The following GNAO1 variants were observed in gnomAD, a reference collection of about 807,000 sequenced individuals.
GNAO1 encodes guanine nucleotide-binding protein G(o) subunit alpha.
For synonymous variants in GNAO1, 164 were observed against 180.7 expected (o/e 0.91, Z 0.74); for missense variants, 166 against 478.7 (o/e 0.35, Z 6.10).
intron 6 of GNAO1, 121 bp downstream of exon 6, chr16:56,336,981 G>A: frequency 2.1e-6 from 2 of 950,668 alleles, no homozygotes. Context: ...GCCAGCTGTT[G>A]TGGTTAGAGG....
At chr16:56,262,434 A>G (rs866298033) in intron 2 of GNAO1, among the ~76,000 whole-genome samples, 55 of 152,346 alleles carry the variant, frequency 3.6e-4, no homozygotes, top group African/African-American at 1.2e-3. Flanking sequence ...AGCCAAAGAC[A>G]GCAGCTTTTG....
chr16:56,221,073 C>G (rs2036481655), intron 2 of GNAO1, among the ~76,000 whole-genome samples: 1 of 152,032 alleles, frequency 6.6e-6, no homozygotes, highest in South Asian at 2.1e-4. Flanking sequence ...TAAAAGAGCT[C>G]AAGGGGGCAA....
At chr16:56,229,300 G>A (rs988349678) in intron 2 of GNAO1, among the ~76,000 whole-genome samples, 2 of 152,148 alleles carry the variant, frequency 1.3e-5, no homozygotes, top group African/African-American at 2.4e-5. Context: ...CACCTCCCAG[G>A]TTCAAGTAAT....
chr16:56,218,729 T>A (rs1327517517), intron 2 of GNAO1, among the ~76,000 whole-genome samples: 3 of 152,126 alleles, frequency 2.0e-5, no homozygotes, highest in Non-Finnish European at 2.9e-5. Flanking sequence ...TTGTGTGTGA[T>A]CTCTCACTCA....
intron 3 of GNAO1, among the ~76,000 whole-genome samples, chr16:56,295,355 T>C (rs1266144241): frequency 2.6e-5 from 4 of 152,042 alleles, no homozygotes; most frequent in African/African-American, 7.2e-5. Context: ...TTTTCTGGTG[T>C]GTAATATGAG....
At chr16:56,347,512 A>G in intron 6 of GNAO1, 1 of 985,052 alleles carries the variant, frequency 1.0e-6, no homozygotes, top group Non-Finnish European at 1.2e-6. Context: ...GGGCCTCCAG[A>G]CAGACCCCAC....
At position 56,343,442 on chromosome 16, in the gene GNAO1, C is replaced by T. The variant is rs144317205; in HGVS notation, c.723+6582C>T. Among the ~76,000 whole-genome samples, 32 of 148,198 alleles carry T rather than the reference C, an allele frequency of 2.2e-4. 2 individuals carry two copies. The East Asian group carries it at 5.9e-3, about 27-fold the overall frequency. Reference sequence around the variant, plus strand: ...GGTAGAGGCTGCAGTGAGCCCTGATCGTACCACCACACTCCAGCTTGAGCA... The same window carrying T: ...GGTAGAGGCTGCAGTGAGCCCTGATTGTACCACCACACTCCAGCTTGAGCA... On this transcript the variant is annotated intron_variant, in intron 6 of 8. Coordinates refer to ENST00000262493, the MANE Select transcript of GNAO1 (RefSeq NM_020988.3).
chr16:56,249,883 C>T (rs1272622018), intron 2 of GNAO1, among the ~76,000 whole-genome samples: 1 of 152,198 alleles, frequency 6.6e-6, no homozygotes, highest in African/African-American at 2.4e-5. Context: ...GCCCTCATTG[C>T]ACAGATTTGG....
intron 3 of GNAO1, among the ~76,000 whole-genome samples, chr16:56,287,950 ACCAGTGT>A (rs1487786083): frequency 7.9e-5 from 12 of 152,328 alleles, no homozygotes; most frequent in African/African-American, 2.9e-4. Flanking sequence ...TAGACCGTGC[ACCAGTGT>A]CCAGTGTCGA....
At chr16:56,249,600 T>C (rs1318088334) in intron 2 of GNAO1, among the ~76,000 whole-genome samples, 5 of 152,064 alleles carry the variant, frequency 3.3e-5, no homozygotes, top group African/African-American at 1.2e-4. Context: ...GAAAACCCAA[T>C]TCAGAAGGGC....
At chr16:56,216,166 G>A (rs1370281059) in intron 2 of GNAO1, among the ~76,000 whole-genome samples, 1 of 152,206 alleles carries the variant, frequency 6.6e-6, no homozygotes, top group Non-Finnish European at 1.5e-5. Context: ...TTAGGCAGTG[G>A]TTACACAGGT....
chr16:56,276,281 G>T (rs1567465750), intron 3 of GNAO1: 2 of 452,190 alleles, frequency 4.4e-6, no homozygotes, highest in Non-Finnish European at 3.9e-6. Context: ...GCAAGTTGCA[G>T]GGGCTACAAA....
chr16:56,269,044 G>C (rs1043984146), intron 2 of GNAO1, among the ~76,000 whole-genome samples: 2 of 152,156 alleles, frequency 1.3e-5, no homozygotes. Context: ...CTGTGCATGG[G>C]AGTGAAGCAC....
At chr16:56,212,807 T>G (rs556909296) in intron 2 of GNAO1, among the ~76,000 whole-genome samples, 1 of 152,308 alleles carries the variant, frequency 6.6e-6, no homozygotes, top group African/African-American at 2.4e-5. Context: ...CCTGGTAGGG[T>G]TTCGATTCAC....
At chr16:56,325,678 ACCT>A (rs1205655049) in intron 3 of GNAO1, among the ~76,000 whole-genome samples, 14 of 151,664 alleles carry the variant, frequency 9.2e-5, no homozygotes, top group African/African-American at 3.4e-4. Context: ...CCCTGCCTCC[ACCT>A]CCTCCAGTGC....
At chr16:56,268,331 A>T (rs12920828) in intron 2 of GNAO1, among the ~76,000 whole-genome samples, 1 of 152,130 alleles carries the variant, frequency 6.6e-6, no homozygotes, top group Non-Finnish European at 1.5e-5. Context: ...GTTAATTTTC[A>T]TTTCTTGGCA....
intron 6 of GNAO1, chr16:56,344,761 A>G: frequency 3.0e-6 from 3 of 985,432 alleles, no homozygotes; most frequent in Non-Finnish European, 3.6e-6. Context: ...TCTTTTTTCC[A>G]GTCACCAGGA....
At chr16:56,305,411 T>A (rs1261864277) in intron 3 of GNAO1, among the ~76,000 whole-genome samples, 1 of 151,858 alleles carries the variant, frequency 6.6e-6, no homozygotes, top group Non-Finnish European at 1.5e-5. Context: ...GATTGGGAGA[T>A]GGGGGTGATC....
intron 2 of GNAO1, among the ~76,000 whole-genome samples, chr16:56,205,244 G>A (rs2036316585): frequency 6.6e-6 from 1 of 152,182 alleles, no homozygotes; most frequent in Non-Finnish European, 1.5e-5. Flanking sequence ...AGTGCTGAAG[G>A]TGGTTCCACA....
Sources: gnomAD v4.1 joint callset for allele counts (sites outside exome capture counted in the v4.1 genomes callset) on GRCh38, gnomAD v4.1.1 for gene constraint, MANE v1.5 for transcripts, NCBI Gene and HGNC (gene_info 2026-07-23, HGNC 2026-07-21) for gene names.